PTPN14: variants seen among roughly 807,000 people sequenced by gnomAD.
PTPN14 encodes the protein tyrosine-protein phosphatase non-receptor type 14.
Under a neutral mutation model 126.8 loss-of-function variants are expected in PTPN14, and 53 were observed. The observed-to-expected ratio is 0.42, with a 90% CI of 0.34 to 0.53. The LOEUF is 0.53. Ranked by LOEUF, PTPN14 falls within the 20% of genes least tolerant of loss-of-function variation. The pLI is 0.08. For synonymous variants in PTPN14, 630 were observed against 599.3 expected, an observed-to-expected ratio of 1.05 and a Z score of -0.75; for missense variants, 1,257 against 1,552.9, an observed-to-expected ratio of 0.81 and a Z score of 3.20.
chr1:214,489,243 C>T (rs1318460074), intron 1 of PTPN14, among the ~76,000 whole-genome samples: 2 of 152,266 alleles, frequency 1.3e-5, no homozygotes. Context: ...TACTTATCCT[C>T]ATGTTATGGG....
chr1:214,520,086 A>G (rs540173735), intron 1 of PTPN14, among the ~76,000 whole-genome samples: 1 of 142,214 alleles, frequency 7.0e-6, no homozygotes, highest in South Asian at 2.3e-4. Context: ...ATATATATGC[A>G]GAATATATGC....
intron 6 of PTPN14, among the ~76,000 whole-genome samples, chr1:214,402,630 T>TAAGGAAGGAAGGAAGG (rs1255911197): frequency 3.8e-4 from 12 of 31,356 alleles, no homozygotes; most frequent in African/African-American, 6.0e-4. Context: ...CCAGATTCTC[T>TAAGGAAGGAAGGAAGG]AAGGAAGGAA....
chr1:214,371,429 A>G (rs1658215592), intron 16 of PTPN14, among the ~76,000 whole-genome samples: 1 of 152,130 alleles, frequency 6.6e-6, no homozygotes, highest in Admixed American at 6.6e-5. Context: ...GCTGAAACCC[A>G]CACAAAGAGG....
intron 1 of PTPN14, among the ~76,000 whole-genome samples, chr1:214,511,292 A>G (rs756684076): frequency 6.6e-6 from 1 of 152,134 alleles, no homozygotes; most frequent in Non-Finnish European, 1.5e-5. Flanking sequence ...GGTACTAATA[A>G]AAAATACGTT....
In PTPN14 at chr1:214,354,202, G is replaced by C. The variant is rs887816996; in HGVS notation, c.*3720C>G. On this transcript the variant is annotated 3_prime_UTR_variant, in exon 19 of 19. Coordinates refer to ENST00000366956, the MANE Select transcript of PTPN14 (RefSeq NM_005401.5). Reference sequence around the variant, plus strand: ...CTCTTAGGAAAACAATGACAGTTTAGCTATAATTTTAAAAAGCGGTTCCTC... The same window carrying C: ...CTCTTAGGAAAACAATGACAGTTTACCTATAATTTTAAAAAGCGGTTCCTC... 2 of 152,166 alleles carry C rather than the reference G, an allele frequency of 1.3e-5. No individual in the cohort carries two copies. Among genetic ancestry groups the C allele is most frequent in the Non-Finnish European group, 2.9e-5 (2 of 68,028 alleles). 9.4% of individuals were successfully genotyped at this position (152,166 alleles called of 1,614,324 possible). A position where few individuals can be genotyped will look rare whatever the true frequency, so the allele number is the denominator to read the frequency against.
chr1:214,357,898 C>G lies in PTPN14; in HGVS notation c.*24G>C. 6.2e-7 allele frequency: 1 copy of G among 1,607,666 alleles called. No homozygotes were observed. Among genetic ancestry groups the G allele is most frequent in the South Asian group, 1.1e-5 (1 of 90,718 alleles). ...TCCAGCGCGATGGAGCTGGGTCCCT[C>G]CTCCAGGAGCTGGATTGGGGTGATT... On this transcript the variant is annotated 3_prime_UTR_variant, in exon 19 of 19. Coordinates refer to ENST00000366956, the MANE Select transcript of PTPN14 (RefSeq NM_005401.5).
rs539982451 is a variant in PTPN14, at chr1:214,411,542, A to G, written c.510+142T>C. On this transcript the variant is annotated intron_variant, in intron 5 of 18. Transcript: ENST00000366956. ...CATTTTTACCTTCTCAGTGTGTTTTATAAAACTTGCCCCTACTTTATAAAC... is the reference window on the plus strand; with the variant it reads ...CATTTTTACCTTCTCAGTGTGTTTTGTAAAACTTGCCCCTACTTTATAAAC... The G allele has an allele frequency of 3.7e-5, 20 of 539,978 alleles. No homozygotes were observed. The East Asian group carries it at 6.5e-4, about 18-fold the overall frequency. 33.4% of individuals were successfully genotyped at this position (539,978 alleles called of 1,614,324 possible). A position where few individuals can be genotyped will look rare whatever the true frequency, so the allele number is the denominator to read the frequency against.
At chr1:214,533,880 A>G (rs1450974301) in intron 1 of PTPN14, among the ~76,000 whole-genome samples, 5 of 151,686 alleles carry the variant, frequency 3.3e-5, no homozygotes, top group South Asian at 4.1e-4. Flanking sequence ...GAAAAAAAAA[A>G]GTAGTATACT....
chr1:214,451,973 G>A lies in PTPN14; in HGVS notation c.176C>T (p.Thr59Met), dbSNP rs6661410. ...GAGAAACCAAAGGCCAAAGTAGTGC[G>A]TCTAGATAAAAGGGTAAAATAGCAT... ...AVAQRLELRE[T>M]HYFGLWFLSK... The change falls in exon 3 of 19, where the codon ACG becomes ATG. Residue 59 changes from threonine to methionine, a missense_variant and splice_region_variant. By Grantham distance (81) the Thr-to-Met change is moderately conservative. Transcript: ENST00000366956. 9.1e-5 allele frequency: 146 copies of A among 1,613,078 alleles called. No individual in the cohort carries two copies. The African/African-American group carries it at 1.4e-3, about 15-fold the overall frequency.
intron 13 of PTPN14, among the ~76,000 whole-genome samples, chr1:214,382,524 A>T (rs528243538): frequency 1.7e-3 from 258 of 152,148 alleles, no homozygotes; most frequent in Non-Finnish European, 3.1e-3. Flanking sequence ...TAGAGATAAG[A>T]TCTCATTATA....
intron 2 of PTPN14, 104 bp downstream of exon 2, chr1:214,464,526 C>G: frequency 6.9e-7 from 1 of 1,442,654 alleles, no homozygotes. Flanking sequence ...CCAAAAAACA[C>G]AACAGATGCC....
At chr1:214,424,226 T>TG (rs770384332) in intron 3 of PTPN14, among the ~76,000 whole-genome samples, 2 of 147,092 alleles carry the variant, frequency 1.4e-5, no homozygotes, top group African/African-American at 5.1e-5. Context: ...ACTTGGGAGG[T>TG]GGAGGTTGCA....
intron 3 of PTPN14, among the ~76,000 whole-genome samples, chr1:214,432,661 A>G (rs570829174): frequency 6.6e-6 from 1 of 152,370 alleles, no homozygotes; most frequent in African/African-American, 2.4e-5. Context: ...ACAACAATAT[A>G]GATGACTCAC....
In PTPN14 at chr1:214,431,130, T is replaced by C. The variant is rs116727927; in HGVS notation, c.345-16404A>G. Among the ~76,000 whole-genome samples, 784 of 152,060 alleles carry C rather than the reference T, an allele frequency of 5.2e-3. 12 individuals carry two copies. Among genetic ancestry groups the C allele is most frequent in the African/African-American group, 0.018 (738 of 41,482 alleles). On this transcript the variant is annotated intron_variant, in intron 3 of 18. Coordinates refer to ENST00000366956, the MANE Select transcript of PTPN14 (RefSeq NM_005401.5). ...CATTGAACGGCACAGACAAGTAAAA[T>C]AGGGCTATGTAAGGAAGCAGAAGAC...
At chr1:214,428,371 C>A (rs906590338) in intron 3 of PTPN14, among the ~76,000 whole-genome samples, 1 of 152,148 alleles carries the variant, frequency 6.6e-6, no homozygotes, top group Non-Finnish European at 1.5e-5. Context: ...TTGGGGGAAA[C>A]GGATTTGACT....
intron 3 of PTPN14, among the ~76,000 whole-genome samples, chr1:214,449,902 T>C (rs1026561208): frequency 2.0e-5 from 3 of 148,884 alleles, no homozygotes; most frequent in Admixed American, 6.6e-5. Context: ...GAGGCCAAGG[T>C]AGAAGGATCA....
chr1:214,366,287 T>C (rs1475967345), intron 17 of PTPN14, among the ~76,000 whole-genome samples: 1 of 152,186 alleles, frequency 6.6e-6, no homozygotes, highest in Non-Finnish European at 1.5e-5. Context: ...TCTTTACAAT[T>C]TTTCTGCGAG....
At chr1:214,411,981 T>C (rs1659320250) in intron 4 of PTPN14, among the ~76,000 whole-genome samples, 1 of 152,214 alleles carries the variant, frequency 6.6e-6, no homozygotes, top group African/African-American at 2.4e-5. Flanking sequence ...ATGAAGAAAT[T>C]TGAAAACAAT....
At chr1:214,455,232 C>T (rs184572929) in intron 2 of PTPN14, among the ~76,000 whole-genome samples, 3 of 152,322 alleles carry the variant, frequency 2.0e-5, no homozygotes, top group Admixed American at 2.0e-4. Flanking sequence ...AGCTGAGACC[C>T]CACCAGGCTG....
Sources: gnomAD v4.1 joint callset for allele counts (sites outside exome capture counted in the v4.1 genomes callset) on GRCh38, gnomAD v4.1.1 for gene constraint, MANE v1.5 for transcripts, NCBI Gene and HGNC (gene_info 2026-07-23, HGNC 2026-07-21) for gene names.